Variants in AKAP1 observed in about 807,000 individuals in gnomAD.
AKAP1 encodes A-kinase anchoring protein 1.
AKAP1 carries 32 observed loss-of-function variants against 79.8 expected under a neutral mutation model. The observed-to-expected ratio is 0.40, with a 90% CI of 0.30 to 0.54. The LOEUF is 0.54. Ranked by LOEUF, AKAP1 falls within the 20% of genes least tolerant of loss-of-function variation. The pLI is 0.47. For synonymous variants in AKAP1, 416 were observed against 466.7 expected, an observed-to-expected ratio of 0.89 and a Z score of 1.40; for missense variants, 961 against 1,138.9, an observed-to-expected ratio of 0.84 and a Z score of 2.25.
In AKAP1 at chr17:57,116,878, G is replaced by C; in HGVS notation, c.2451G>C (p.Leu817=). 6.2e-7 allele frequency: 1 copy of C among 1,614,210 alleles called. No homozygotes were observed. Among genetic ancestry groups the C allele is most frequent in the Non-Finnish European group, 8.5e-7 (1 of 1,180,032 alleles). Residue 817 remains leucine (L), a synonymous_variant, in exon 8 of 11, where the codon CTG becomes CTC. Coordinates refer to ENST00000337714, the MANE Select transcript of AKAP1 (RefSeq NM_003488.4). The stretch of plus-strand genomic sequence containing the variant: ...TTCCCAGGTCTGACTTTGTCACCCT[G>C]CCGTTTCAGGGAGCAGAAGTCCTTC... ...LRQIRSDFVT[L]PFQGAEVLLD...
chr17:57,119,040 A>T lies in AKAP1; in HGVS notation c.2633A>T (p.Asp878Val). 6 of 1,613,744 alleles carry T rather than the reference A, an allele frequency of 3.7e-6. No homozygotes were observed. The highest frequency in any genetic ancestry group is 5.1e-6 in the Non-Finnish European group (6 of 1,179,690). Residue 878 changes from aspartate to valine, a missense_variant, in exon 10 of 11, where the codon GAT becomes GTT. By Grantham distance (152) the Asp-to-Val change is radical. This residue lies in a region of AKAP1 where 629 missense variants were observed against 781.1 expected (regional missense o/e 0.81). Transcript: ENST00000337714. ...ATTCAGCTGTGGAGTGTGGTTGGAG[A>T]TGAAGTAAGTTCTGCCCTTCTTTTC... ...PLIQLWSVVG[D>V]EVVLINRSLV... is the part of the protein sequence containing the mutation.
At chr17:57,100,445 A>G (rs1045497010) in intron 1 of AKAP1, among the ~76,000 whole-genome samples, 2 of 128,646 alleles carry the variant, frequency 1.6e-5, no homozygotes, top group Non-Finnish European at 1.8e-5. Flanking sequence ...ACACACACAC[A>G]CGCACACACA....
intron 1 of AKAP1, among the ~76,000 whole-genome samples, chr17:57,088,994 A>C (rs1449687783): frequency 6.6e-6 from 1 of 152,134 alleles, no homozygotes; most frequent in African/African-American, 2.4e-5. Context: ...AAATATGTAT[A>C]ACCTAGGGCT....
At chr17:57,094,935 A>G (rs888290554) in intron 1 of AKAP1, 6 of 152,068 alleles carry the variant, frequency 3.9e-5, no homozygotes, top group African/African-American at 1.4e-4. Context: ...ATGAAAGTCT[A>G]TATATTGAAT....
intron 2 of AKAP1, 72 bp from the exon 3 acceptor site, chr17:57,109,953 G>T (rs1401200148): frequency 6.4e-7 from 1 of 1,571,136 alleles, no homozygotes; most frequent in East Asian, 2.3e-5. Flanking sequence ...TGTGAGTTTG[G>T]GAAGTTCTTG....
chr17:57,114,456 C>G lies in AKAP1; in HGVS notation c.2104-3C>G. The G allele has an allele frequency of 6.2e-7, 1 of 1,613,878 alleles. No individual in the cohort carries two copies. Among genetic ancestry groups the G allele is most frequent in the Non-Finnish European group, 8.5e-7 (1 of 1,179,974 alleles). On this transcript the variant is annotated splice_polypyrimidine_tract_variant and splice_region_variant and intron_variant, in intron 5 of 10. Transcript: ENST00000337714. ...AGTGACCGCTCCCCCTTCCCCTCTA[C>G]AGCTCATGCTGCCTGATGGCATCAC...
intron 1 of AKAP1, among the ~76,000 whole-genome samples, chr17:57,088,697 T>A (rs558470985): frequency 1.3e-5 from 2 of 152,248 alleles, no homozygotes; most frequent in African/African-American, 2.4e-5. Flanking sequence ...GTGTGTGTTA[T>A]CATTCAGCAT....
At chr17:57,102,308 T>A (rs1914564631) in intron 1 of AKAP1, among the ~76,000 whole-genome samples, 1 of 152,086 alleles carries the variant, frequency 6.6e-6, no homozygotes, top group African/African-American at 2.4e-5. Flanking sequence ...TTGTAGGATG[T>A]GGTTATGAGC....
rs1256480523 is a variant in AKAP1, at chr17:57,106,852, C to T, written c.1388C>T (p.Ser463Phe). The change falls in exon 2 of 11, where the codon TCC (serine) becomes TTC (phenylalanine). Residue 463 changes from serine to phenylalanine, a missense_variant. Physicochemically the swap from Ser to Phe is radical, Grantham distance 155 (BLOSUM62 -2). This residue lies in a region of AKAP1 where 629 missense variants were observed against 781.1 expected (regional missense o/e 0.81). Coordinates refer to ENST00000337714, the MANE Select transcript of AKAP1 (RefSeq NM_003488.4). ...NISAHHISLA[S>F]CLALTTPSEE... ...TCTGCACACCACATCTCCCTGGCCT[C>T]CTGCCTGGCACTGACCACCCCCAGT... The T allele has an allele frequency of 1.9e-6, 3 of 1,614,096 alleles. No individual in the cohort carries two copies. Among genetic ancestry groups the T allele is most frequent in the Non-Finnish European group, 2.5e-6 (3 of 1,180,042 alleles).
In AKAP1 at chr17:57,107,081, T is replaced by A. The variant is rs753339671; in HGVS notation, c.1617T>A (p.Ser539Arg). The A allele has an allele frequency of 6.2e-7, 1 of 1,614,042 alleles. No individual in the cohort carries two copies. Among genetic ancestry groups the A allele is most frequent in the Non-Finnish European group, 8.5e-7 (1 of 1,180,048 alleles). ...CCATCACCCCGCCACTGCCAGAAAG[T>A]ACTGTGCCCTTCAGCAATGGGGTGC... is the stretch of plus-strand genomic sequence containing the variant. The part of the protein sequence containing the change: ...DKAITPPLPE[S>R]TVPFSNGVLK... Residue 539 changes from serine to arginine, a missense_variant, in exon 2 of 11, where the codon AGT (serine) becomes AGA (arginine). Ser to Arg is a moderately radical substitution (Grantham distance 110, BLOSUM62 -1). This residue lies in a region of AKAP1 where 629 missense variants were observed against 781.1 expected (regional missense o/e 0.81). Transcript: ENST00000337714.
At chr17:57,092,836 T>C (rs1567896716) in intron 1 of AKAP1, 1 of 152,412 alleles carries the variant, frequency 6.6e-6, no homozygotes, top group East Asian at 1.9e-4. Context: ...GAGCCCTTTT[T>C]CTGAGAGCCA....
intron 1 of AKAP1, chr17:57,096,459 CT>C (rs1325964283): frequency 6.6e-6 from 1 of 152,308 alleles, no homozygotes; most frequent in Non-Finnish European, 1.5e-5. Flanking sequence ...GCTGGCCCCC[CT>C]GGCTTCTCTG....
At chr17:57,096,148 G>A (rs1448032643) in intron 1 of AKAP1, 1 of 152,236 alleles carries the variant, frequency 6.6e-6, no homozygotes. Flanking sequence ...CGGGTACTAA[G>A]TTTTCCAGAG....
At chr17:57,089,763 T>C (rs940115876) in intron 1 of AKAP1, among the ~76,000 whole-genome samples, 7 of 152,174 alleles carry the variant, frequency 4.6e-5, no homozygotes, top group Non-Finnish European at 8.8e-5. Flanking sequence ...TACAAGTGAG[T>C]TCTAGTCTGC....
chr17:57,118,284 A>G, intron 8 of AKAP1, 97 bp from the exon 9 acceptor site: 4 of 1,130,590 alleles, frequency 3.5e-6, no homozygotes, highest in Non-Finnish European at 5.3e-6. Flanking sequence ...CAGCATCTGA[A>G]GCATTCTACT....
chr17:57,100,893 G>T (rs1176265545), intron 1 of AKAP1, among the ~76,000 whole-genome samples: 1 of 152,082 alleles, frequency 6.6e-6, no homozygotes, highest in Non-Finnish European at 1.5e-5. Flanking sequence ...GCTGGGTGTG[G>T]TGGCGCATGC....
chr17:57,110,789 C>T (rs886282), intron 3 of AKAP1, among the ~76,000 whole-genome samples: 34,246 of 152,148 alleles, frequency 0.23, 3,973 homozygotes, highest in Admixed American at 0.29. Context: ...GCATTATTCA[C>T]TGTGTGGATG....
At chr17:57,108,486 G>T (rs1476436660) in intron 2 of AKAP1, among the ~76,000 whole-genome samples, 2 of 152,144 alleles carry the variant, frequency 1.3e-5, no homozygotes, top group Non-Finnish European at 2.9e-5. Flanking sequence ...GAATTAACAA[G>T]CCCCGCAGCC....
At chr17:57,107,647 TTC>T (rs1567909179) in intron 2 of AKAP1, among the ~76,000 whole-genome samples, 1 of 152,138 alleles carries the variant, frequency 6.6e-6, no homozygotes, top group Non-Finnish European at 1.5e-5. Context: ...CCATTTTTTT[TTC>T]TTTTTTAAAC....
Sources: gnomAD v4.1 joint callset for allele counts (sites outside exome capture counted in the v4.1 genomes callset) on GRCh38, gnomAD v4.1.1 for gene constraint, gnomAD v4.1.1 regional missense constraint, MANE v1.5 for transcripts, NCBI Gene and HGNC (gene_info 2026-07-23, HGNC 2026-07-21) for gene names.